The following CRNKL1 variants were observed in gnomAD, a reference collection of about 807,000 sequenced individuals.
CRNKL1 encodes crooked neck-like protein 1.
A neutral mutation model predicts 103.7 loss-of-function variants in CRNKL1; 35 were observed. The observed-to-expected ratio is 0.34, with a 90% CI of 0.26 to 0.45. The LOEUF (loss-of-function observed/expected upper bound fraction) is 0.45, where lower values mean the gene tolerates loss of function less well. Among genes scored for constraint, CRNKL1 ranks in the 20% least tolerant of loss-of-function variants. The pLI is 1.00. For missense variants in CRNKL1, 645 were observed against 836.0 expected (o/e 0.77, Z 2.82); for synonymous variants, 267 against 282.6 (o/e 0.94, Z 0.55).
intron 13 of CRNKL1, 120 bp downstream of exon 13, chr20:20,037,203 C>T: frequency 1.7e-6 from 2 of 1,189,206 alleles, no homozygotes; most frequent in Non-Finnish European, 1.2e-6. Context: ...ATCTCCTACT[C>T]CAGGTGGTCT....
At chr20:20,046,158 G>C (rs1308714238) in intron 5 of CRNKL1, among the ~76,000 whole-genome samples, 3 of 152,146 alleles carry the variant, frequency 2.0e-5, no homozygotes, top group African/African-American at 7.2e-5. Flanking sequence ...CAGTTCTGAA[G>C]CTGCTCTACT....
intron 12 of CRNKL1, 37 bp from the exon 13 acceptor site, chr20:20,037,608 A>G: frequency 6.3e-7 from 1 of 1,592,788 alleles, no homozygotes; most frequent in Non-Finnish European, 8.6e-7. Context: ...AATTAACCAT[A>G]TCACTCAGAA....
At position 20,048,401 on chromosome 20, in the gene CRNKL1, G is replaced by A. The variant is rs750436643; in HGVS notation, c.397C>T (p.His133Tyr). The change falls in exon 4 of 14, where the codon CAT becomes TAT. Residue 133 changes from histidine (H) to tyrosine (Y), a missense_variant. Transcript: ENST00000536226. ...GCCCGGTCCCAGATATTTCGAGCAT[G>A]GTTGACTTGGCGATTCTTCATTTCC... ...EMEMKNRQVN[H>Y]ARNIWDRAIT... 13 of 1,614,190 alleles carry A rather than the reference G, an allele frequency of 8.1e-6. No individual in the cohort carries two copies. Among genetic ancestry groups the A allele is most frequent in the South Asian group, 1.1e-5 (1 of 91,078 alleles).
chr20:20,050,938 G>GT (rs1365774452), intron 1 of CRNKL1, among the ~76,000 whole-genome samples: 1 of 150,588 alleles, frequency 6.6e-6, no homozygotes, highest in Non-Finnish European at 1.5e-5. Context: ...CTGACCAGAG[G>GT]TTTTGTTTTA....
chr20:20,045,122 T>A (rs769883797), intron 6 of CRNKL1, among the ~76,000 whole-genome samples, 186 bp downstream of exon 6: 1 of 152,176 alleles, frequency 6.6e-6, no homozygotes, highest in Non-Finnish European at 1.5e-5. Flanking sequence ...ATACAATCTA[T>A]AATCAGCTCC....
At chr20:20,050,807 C>A (rs937930600) in intron 1 of CRNKL1, among the ~76,000 whole-genome samples, 185 bp from the exon 2 acceptor site, 13 of 152,110 alleles carry the variant, frequency 8.5e-5, no homozygotes, top group African/African-American at 3.1e-4. Context: ...CTCTCTTATT[C>A]ATAGTATCTA....
At chr20:20,053,636 A>G (rs2043958771), upstream of CRNKL1, among the ~76,000 whole-genome samples, 1 of 152,206 alleles carries the variant, frequency 6.6e-6, no homozygotes, top group Admixed American at 6.5e-5. Context: ...ACTTTCAACA[A>G]AAGATTTATG....
At chr20:20,054,362 T>C (rs1393460714), upstream of CRNKL1, among the ~76,000 whole-genome samples, 2 of 152,072 alleles carry the variant, frequency 1.3e-5, no homozygotes, top group Non-Finnish European at 1.5e-5. Flanking sequence ...ATTCAGCCCA[T>C]TGACTATTTT....
At chr20:20,050,820 G>A (rs547716020) in intron 1 of CRNKL1, among the ~76,000 whole-genome samples, 198 bp from the exon 2 acceptor site, 4 of 152,170 alleles carry the variant, frequency 2.6e-5, no homozygotes, top group Non-Finnish European at 5.9e-5. Flanking sequence ...AGTATCTACT[G>A]CAAAGCCATA....
chr20:20,053,784 C>T (rs948411326), upstream of CRNKL1, among the ~76,000 whole-genome samples: 1 of 152,032 alleles, frequency 6.6e-6, no homozygotes, highest in Non-Finnish European at 1.5e-5. Flanking sequence ...TTCATAAAGC[C>T]ACCTAACAAA....
intron 12 of CRNKL1, 82 bp from the exon 13 acceptor site, chr20:20,037,653 G>T: frequency 1.5e-6 from 2 of 1,362,948 alleles, no homozygotes; most frequent in Non-Finnish European, 2.0e-6. Context: ...CGAATTCCCA[G>T]TTAATGACAT....
At chr20:20,049,195 A>AC (rs2043643791) in intron 3 of CRNKL1, 145 bp downstream of exon 3, 1 of 556,820 alleles carries the variant, frequency 1.8e-6, no homozygotes, top group African/African-American at 1.9e-5. Flanking sequence ...CCTCAAGGGA[A>AC]CCCTAGGGTT....
chr20:20,041,463 AG>A, intron 9 of CRNKL1, 102 bp downstream of exon 9: 1 of 923,996 alleles, frequency 1.1e-6, no homozygotes, highest in Non-Finnish European at 1.8e-6. Flanking sequence ...ATGGTGGGAC[AG>A]GGAAGCATTT....
intron 6 of CRNKL1, among the ~76,000 whole-genome samples, chr20:20,044,491 AATGT>A (rs2043563638): frequency 2.0e-5 from 3 of 152,230 alleles, no homozygotes; most frequent in African/African-American, 7.2e-5. Flanking sequence ...CGAAGTCTGA[AATGT>A]TCCAATGAAC....
At chr20:20,044,042 C>G (rs1192339394) in intron 6 of CRNKL1, among the ~76,000 whole-genome samples, 2 of 152,116 alleles carry the variant, frequency 1.3e-5, no homozygotes, top group Non-Finnish European at 2.9e-5. Context: ...TCCTCAATTC[C>G]TCTTTTTTCC....
chr20:20,042,388 C>T lies in CRNKL1; in HGVS notation c.1101G>A (p.Arg367=), dbSNP rs777276034. 1 of 1,614,076 alleles carries T rather than the reference C, an allele frequency of 6.2e-7. No individual in the cohort carries two copies. The highest frequency in any genetic ancestry group is 1.1e-5 in the South Asian group (1 of 91,058). The change falls in exon 8 of 14, where the codon AGG becomes AGA. Residue 367 remains arginine, a synonymous_variant. Coordinates refer to ENST00000536226, the MANE Select transcript of CRNKL1 (RefSeq NM_001278628.2). The part of the protein sequence containing the change: ...IANVPPIQEK[R]HWKRYIYLWI... ...AAAGATAAATGTAGCGCTTCCAGTGCCTCTTCTCCTGAATGGGTGGGACAT... is the reference window on the plus strand; with the variant it reads ...AAAGATAAATGTAGCGCTTCCAGTGTCTCTTCTCCTGAATGGGTGGGACAT...
At chr20:20,043,228 C>T (rs142014718) in intron 7 of CRNKL1, among the ~76,000 whole-genome samples, 338 of 152,304 alleles carry the variant, frequency 2.2e-3, no homozygotes, top group African/African-American at 7.6e-3. Context: ...ATTTCTTTTG[C>T]TCCAGTTCTA....
rs1283490997 is a variant in CRNKL1, at chr20:20,037,544, A to G, written c.1675T>C (p.Leu559=). Residue 559 remains leucine (L), a synonymous_variant, in exon 13 of 14, where the codon TTG becomes CTG. Transcript: ENST00000536226. ...KVWISFAQFE[L]SSGKEGSLTK... is the part of the protein sequence containing the mutation. ...AAACTTCCTTCTTTTCCTGAAGACA[A>G]CTCAAACTGAGCAAAGCTGATCCAT... The G allele has an allele frequency of 3.1e-6, 5 of 1,613,950 alleles. No individual in the cohort carries two copies. The highest frequency in any genetic ancestry group is 4.2e-6 in the Non-Finnish European group (5 of 1,180,036).
chr20:20,038,276 T>C (rs537024222), intron 12 of CRNKL1, 73 bp downstream of exon 12: 5 of 777,984 alleles, frequency 6.4e-6, no homozygotes, highest in Non-Finnish European at 1.0e-5. Flanking sequence ...ACACTTAAAA[T>C]ACAGAAATAT....
Sources: gnomAD v4.1 joint callset for allele counts (sites outside exome capture counted in the v4.1 genomes callset) on GRCh38, gnomAD v4.1.1 for gene constraint, MANE v1.5 for transcripts, NCBI Gene and HGNC (gene_info 2026-07-23, HGNC 2026-07-21) for gene names.